Variants in SLC25A17 observed in about 807,000 individuals in gnomAD.
SLC25A17 encodes peroxisomal membrane protein PMP34.
A neutral mutation model predicts 38.5 loss-of-function variants in SLC25A17; 26 were observed. That is an observed-to-expected ratio of 0.68 (90% CI 0.50 to 0.94). SLC25A17 has a LOEUF of 0.94. Ranked by LOEUF, SLC25A17 falls within the 40% of genes least tolerant of loss-of-function variation. The pLI is 0.00. For missense variants in SLC25A17, 333 were observed against 372.7 expected (o/e 0.89, Z 0.88); for synonymous variants, 139 against 136.2 (o/e 1.02, Z -0.14).
intron 4 of SLC25A17, among the ~76,000 whole-genome samples, chr22:40,788,390 G>A (rs797017392): frequency 1.2e-4 from 19 of 152,230 alleles, no homozygotes; most frequent in African/African-American, 4.6e-4. Flanking sequence ...CCAAGATGAG[G>A]CTGGACAATA....
intron 8 of SLC25A17, among the ~76,000 whole-genome samples, chr22:40,773,022 A>C (rs1053352863): frequency 1.3e-5 from 2 of 152,156 alleles, no homozygotes; most frequent in Non-Finnish European, 2.9e-5. Flanking sequence ...CTTTTGCTTC[A>C]AAGGAGGTCC....
chr22:40,818,924 CAA>C (rs1286136192), intron 1 of SLC25A17, among the ~76,000 whole-genome samples: 5 of 152,112 alleles, frequency 3.3e-5, no homozygotes, highest in Admixed American at 6.5e-5. Context: ...CTTCCCACGG[CAA>C]AGATGCGGAC....
chr22:40,771,566 T>C (rs1042234192), intron 8 of SLC25A17, among the ~76,000 whole-genome samples: 3 of 152,162 alleles, frequency 2.0e-5, no homozygotes, highest in African/African-American at 4.8e-5. Flanking sequence ...ACAACATGGA[T>C]GGAACTGGAG....
intron 4 of SLC25A17, among the ~76,000 whole-genome samples, chr22:40,783,775 C>T (rs548938266): frequency 9.2e-5 from 14 of 151,808 alleles, no homozygotes; most frequent in South Asian, 4.2e-4. Context: ...GCTCGATCTC[C>T]GCTCACTGCA....
chr22:40,801,998 G>T (rs899348030), intron 1 of SLC25A17, among the ~76,000 whole-genome samples: 2 of 152,010 alleles, frequency 1.3e-5, no homozygotes, highest in Non-Finnish European at 2.9e-5. Flanking sequence ...CATCATGTTG[G>T]CCAGGCTGGT....
chr22:40,817,048 T>A (rs1011222080), intron 1 of SLC25A17, among the ~76,000 whole-genome samples: 1 of 152,238 alleles, frequency 6.6e-6, no homozygotes, highest in Non-Finnish European at 1.5e-5. Flanking sequence ...GAACATTTAT[T>A]GCAAGAAGGA....
intron 5 of SLC25A17, among the ~76,000 whole-genome samples, chr22:40,777,782 C>CAAA (rs76343843): frequency 4.4e-5 from 4 of 90,294 alleles, no homozygotes; most frequent in South Asian, 3.4e-4. Flanking sequence ...ACTCCATTTC[C>CAAA]AAAAAAAAAA....
At chr22:40,812,977 TA>T (rs2057598136) in intron 1 of SLC25A17, among the ~76,000 whole-genome samples, 1 of 152,178 alleles carries the variant, frequency 6.6e-6, no homozygotes, top group African/African-American at 2.4e-5. Context: ...CTTTCATATT[TA>T]AAAATGTTAT....
intron 2 of SLC25A17, among the ~76,000 whole-genome samples, chr22:40,795,345 T>G (rs972815703): frequency 6.6e-6 from 1 of 151,738 alleles, no homozygotes; most frequent in Non-Finnish European, 1.5e-5. Context: ...CAGGCTGGAG[T>G]GCAGCGGCGT....
intron 2 of SLC25A17, among the ~76,000 whole-genome samples, chr22:40,794,967 G>A (rs745648597): frequency 6.6e-6 from 1 of 152,088 alleles, no homozygotes; most frequent in Non-Finnish European, 1.5e-5. Flanking sequence ...TACCCAGGCT[G>A]GTCTCAAACT....
At chr22:40,803,727 T>C (rs1361202074) in intron 1 of SLC25A17, among the ~76,000 whole-genome samples, 1 of 151,982 alleles carries the variant, frequency 6.6e-6, no homozygotes, top group Non-Finnish European at 1.5e-5. Context: ...ACCTCCATAA[T>C]GTTTCCATAA....
At chr22:40,786,465 G>A (rs2057339407) in intron 4 of SLC25A17, among the ~76,000 whole-genome samples, 1 of 152,190 alleles carries the variant, frequency 6.6e-6, no homozygotes, top group South Asian at 2.1e-4. Flanking sequence ...AAGATCCCCA[G>A]ATGCTCCAGT....
rs926748090 is a variant in SLC25A17, at chr22:40,770,792, C to G, written c.*42G>C. 1.9e-6 allele frequency: 3 copies of G among 1,568,134 alleles called. No individual in the cohort carries two copies. The highest frequency in any genetic ancestry group is 2.3e-5 in the East Asian group (1 of 43,868). On this transcript the variant is annotated 3_prime_UTR_variant, in exon 9 of 9. Transcript: ENST00000435456. ...CACTTCTCTTCACTCAGGAGGAAACCTCCCTCTTGAGCATCTTCGGAATTT... is the reference window on the plus strand; with the variant it reads ...CACTTCTCTTCACTCAGGAGGAAACGTCCCTCTTGAGCATCTTCGGAATTT...
intron 1 of SLC25A17, among the ~76,000 whole-genome samples, chr22:40,815,624 T>C (rs1048571001): frequency 6.6e-6 from 1 of 152,172 alleles, no homozygotes; most frequent in Non-Finnish European, 1.5e-5. Context: ...AATGAATAAT[T>C]ATGGTCTTAC....
intron 1 of SLC25A17, among the ~76,000 whole-genome samples, chr22:40,813,027 TAAC>T (rs1279202801): frequency 6.6e-6 from 1 of 152,172 alleles, no homozygotes; most frequent in African/African-American, 2.4e-5. Context: ...TTCCCTGACA[TAAC>T]AATCAAGCTA....
Position 40,770,658 on chromosome 22 carries a change from TTAAGGTGACAACA to T in SLC25A17, c.*163_*175del, listed in dbSNP as rs2057172204. On this transcript the variant is annotated 3_prime_UTR_variant, in exon 9 of 9. Coordinates refer to ENST00000435456, the MANE Select transcript of SLC25A17 (RefSeq NM_006358.4). ...AAAATCCAACCAGCCAGCATGACAA[TTAAGGTGACAACA>T]GGTCCAGTTGGCCATACTCCCTGTG... 3.6e-5 allele frequency: 17 copies of T among 478,038 alleles called. No individual in the cohort carries two copies. The East Asian group carries it at 5.9e-4, about 17-fold the overall frequency. 29.6% of individuals were successfully genotyped at this position (478,038 alleles called of 1,614,324 possible). A position where few individuals can be genotyped will look rare whatever the true frequency, so the allele number is the denominator to read the frequency against.
chr22:40,786,824 G>A (rs73172875), intron 4 of SLC25A17, among the ~76,000 whole-genome samples: 22,245 of 152,128 alleles, frequency 0.15, 1,725 homozygotes, highest in East Asian at 0.19. Flanking sequence ...ATTTTTGGTG[G>A]AGCAACTGGA....
At chr22:40,777,550 G>A (rs567060937) in intron 5 of SLC25A17, among the ~76,000 whole-genome samples, 177 bp from the exon 6 acceptor site, 78 of 152,250 alleles carry the variant, frequency 5.1e-4, no homozygotes, top group African/African-American at 1.7e-3. Context: ...TTGGGAGGCC[G>A]AGGCGGGTGG....
At chr22:40,814,332 T>C (rs1197848564) in intron 1 of SLC25A17, among the ~76,000 whole-genome samples, 1 of 152,194 alleles carries the variant, frequency 6.6e-6, no homozygotes, top group Non-Finnish European at 1.5e-5. Context: ...ACCAACACAC[T>C]GCCATGATGA....
Sources: gnomAD v4.1 joint callset for allele counts (sites outside exome capture counted in the v4.1 genomes callset) on GRCh38, gnomAD v4.1.1 for gene constraint, MANE v1.5 for transcripts, NCBI Gene and HGNC (gene_info 2026-07-23, HGNC 2026-07-21) for gene names.